DOCK1: variants seen among roughly 807,000 people sequenced by gnomAD.
The protein encoded by DOCK1 is dedicator of cytokinesis protein 1.
In DOCK1, 138 loss-of-function variants were observed where a neutral mutation model predicts 262.7. The observed-to-expected ratio is 0.53, with a 90% confidence interval of 0.46 to 0.61. The LOEUF (loss-of-function observed/expected upper bound fraction) is 0.61, where lower values mean the gene tolerates loss of function less well. Ranked by LOEUF, DOCK1 falls within the 20% of genes least tolerant of loss-of-function variation. The pLI is 0.00. For synonymous variants in DOCK1, 866 were observed against 867.4 expected (o/e 1.00, Z 0.03); for missense variants, 1,908 against 2,370.7 (o/e 0.80, Z 4.05).
chr10:127,374,303 C>G (rs1053386915), intron 35 of DOCK1, 89 bp downstream of exon 35: 8 of 1,443,234 alleles, frequency 5.5e-6, no homozygotes, highest in Non-Finnish European at 7.3e-6. Flanking sequence ...CTATGACAGT[C>G]AGCCACGAAG....
chr10:127,357,743 C>T (rs190610647), intron 32 of DOCK1, among the ~76,000 whole-genome samples: 10 of 152,274 alleles, frequency 6.6e-5, no homozygotes, highest in Admixed American at 5.9e-4. Flanking sequence ...TAACAGTCAG[C>T]CACCAGACTT....
At position 127,175,238 on chromosome 10, in the gene DOCK1, C is replaced by T; in HGVS notation, c.2847+47474C>T. ...CTTCCCGATGGGCCTCTCCTTTTTCCAACTCCTGAATGACCCCCAAGAGCA... is the reference window on the plus strand; with the variant it reads ...CTTCCCGATGGGCCTCTCCTTTTTCTAACTCCTGAATGACCCCCAAGAGCA... On this transcript the variant is annotated intron_variant, in intron 27 of 51. Coordinates refer to ENST00000623213, the MANE Select transcript of DOCK1 (RefSeq NM_001290223.2). This position sits in a 1 kb window ranked among gnomAD's most constrained non-coding sequence, Gnocchi z 6.3. 6.2e-7 allele frequency: 1 copy of T among 1,612,950 alleles called. No homozygotes were observed.
chr10:127,275,609 G>A (rs950956122), intron 29 of DOCK1, among the ~76,000 whole-genome samples: 26 of 152,142 alleles, frequency 1.7e-4, no homozygotes, highest in African/African-American at 5.6e-4. Flanking sequence ...GGGTGAAGGT[G>A]GAAACGCTGG....
At chr10:127,366,507 C>T (rs1488962214) in intron 33 of DOCK1, among the ~76,000 whole-genome samples, 3 of 152,132 alleles carry the variant, frequency 2.0e-5, no homozygotes, top group Non-Finnish European at 2.9e-5. Flanking sequence ...CTGCAGCCTC[C>T]GTCCTCTGCG....
At chr10:127,070,050 G>A (rs144832877) in intron 23 of DOCK1, among the ~76,000 whole-genome samples, 29 of 152,138 alleles carry the variant, frequency 1.9e-4, no homozygotes, top group African/African-American at 6.5e-4. Flanking sequence ...ACTTGCAGAT[G>A]CCTTGCTCCA....
intron 27 of DOCK1, among the ~76,000 whole-genome samples, chr10:127,226,105 T>G (rs2058628552): frequency 6.6e-6 from 1 of 150,946 alleles, no homozygotes; most frequent in African/African-American, 2.4e-5. Context: ...AAAGATGTAG[T>G]TAATAGCATA....
At chr10:126,924,337 C>T (rs1339125710) in intron 1 of DOCK1, among the ~76,000 whole-genome samples, 1 of 117,528 alleles carries the variant, frequency 8.5e-6, no homozygotes, top group Non-Finnish European at 1.7e-5. Flanking sequence ...TAGGGGGAGG[C>T]TGTGAGTGCT....
chr10:127,377,410 G>C (rs976958046), intron 35 of DOCK1, among the ~76,000 whole-genome samples: 1 of 152,100 alleles, frequency 6.6e-6, no homozygotes, highest in Non-Finnish European at 1.5e-5. Context: ...TACTCTGTTA[G>C]TCACTAAGAA....
intron 33 of DOCK1, among the ~76,000 whole-genome samples, chr10:127,367,879 T>G (rs1194651464): frequency 6.6e-6 from 1 of 152,166 alleles, no homozygotes; most frequent in East Asian, 1.9e-4. Flanking sequence ...GCTTGCAGTG[T>G]GGATACTCCA....
chr10:127,297,674 T>C (rs1304934382), intron 29 of DOCK1, among the ~76,000 whole-genome samples: 1 of 152,200 alleles, frequency 6.6e-6, no homozygotes, highest in Non-Finnish European at 1.5e-5. Flanking sequence ...GTAATACATT[T>C]CTTAACTTTC....
chr10:127,279,155 G>A (rs946082257), intron 29 of DOCK1, among the ~76,000 whole-genome samples: 25 of 152,230 alleles, frequency 1.6e-4, no homozygotes, highest in African/African-American at 6.0e-4. Flanking sequence ...CATTCATGGT[G>A]CCTTAAAACA....
At chr10:127,351,660 G>A (rs936267900) in intron 31 of DOCK1, among the ~76,000 whole-genome samples, 10 of 152,072 alleles carry the variant, frequency 6.6e-5, no homozygotes, top group African/African-American at 2.4e-4. Flanking sequence ...ACCAGCCCGG[G>A]GTTCTGCTTC....
At chr10:126,907,939 A>AGGC (rs2031164920) in intron 1 of DOCK1, among the ~76,000 whole-genome samples, 1 of 152,262 alleles carries the variant, frequency 6.6e-6, no homozygotes, top group Admixed American at 6.5e-5. Context: ...AAATTTTAAA[A>AGGC]GGCGAAAAGT....
At chr10:127,417,207 T>C (rs1319488890) in intron 44 of DOCK1, among the ~76,000 whole-genome samples, 1 of 152,186 alleles carries the variant, frequency 6.6e-6, no homozygotes. Flanking sequence ...AGCAAAGTTA[T>C]TGCTGAGGTC....
chr10:126,963,150 G>A (rs1405660216), intron 1 of DOCK1, among the ~76,000 whole-genome samples: 12 of 152,074 alleles, frequency 7.9e-5, no homozygotes, highest in Non-Finnish European at 1.3e-4. Context: ...TATTGAAATC[G>A]GGCCTCCAAT....
At chr10:126,920,925 G>A (rs535284087) in intron 1 of DOCK1, among the ~76,000 whole-genome samples, 3 of 152,284 alleles carry the variant, frequency 2.0e-5, no homozygotes, top group South Asian at 4.2e-4. Flanking sequence ...GGCCGGGCAC[G>A]GTGGCTCACA....
intron 46 of DOCK1, among the ~76,000 whole-genome samples, chr10:127,421,707 G>A (rs916021117): frequency 6.6e-6 from 1 of 152,204 alleles, no homozygotes; most frequent in Non-Finnish European, 1.5e-5. Context: ...TAGCTTATAT[G>A]AGTGGAATCA....
At chr10:127,029,545 C>A (rs982050290) in intron 16 of DOCK1, among the ~76,000 whole-genome samples, 4 of 152,240 alleles carry the variant, frequency 2.6e-5, no homozygotes, top group African/African-American at 9.6e-5. Flanking sequence ...TGGCCAGGAG[C>A]TGAGTTTTCC....
intron 29 of DOCK1, among the ~76,000 whole-genome samples, chr10:127,311,661 C>T (rs914564634): frequency 7.9e-5 from 12 of 152,100 alleles, no homozygotes; most frequent in African/African-American, 2.7e-4. Context: ...ATTTCACAGT[C>T]GTCCTTTCGT....
Sources: gnomAD v4.1 joint callset for allele counts (sites outside exome capture counted in the v4.1 genomes callset) on GRCh38, gnomAD v4.1.1 for gene constraint, Gnocchi (gnomAD v3.1) non-coding constraint, MANE v1.5 for transcripts, NCBI Gene and HGNC (gene_info 2026-07-23, HGNC 2026-07-21) for gene names.